Variants in NREP observed in about 807,000 individuals in gnomAD.
NREP encodes neuronal regeneration related protein, also known as neuronal regeneration-related protein.
In NREP, 5 loss-of-function variants were observed where a neutral mutation model predicts 8.6. The ratio of observed to expected loss-of-function variants is 0.58; its 90% confidence interval spans 0.30 to 1.22. The LOEUF is 1.22. Ranked by LOEUF, NREP falls within the 50% of genes most tolerant of loss-of-function variation. The probability of loss-of-function intolerance (pLI) is 0.07; values close to 1 mark genes in which losing one functional copy is unlikely to be tolerated. For missense variants in NREP, 86 were observed against 82.5 expected (o/e 1.04, Z -0.17); for synonymous variants, 27 against 28.0 (o/e 0.96, Z 0.11).
intron 2 of NREP, among the ~76,000 whole-genome samples, chr5:111,827,926 G>A (rs1359968071): frequency 6.6e-6 from 1 of 152,198 alleles, no homozygotes; most frequent in Non-Finnish European, 1.5e-5. Context: ...AAAGGCACAA[G>A]AAGTATGTTT....
intron 2 of NREP, among the ~76,000 whole-genome samples, chr5:111,883,369 T>C (rs1754141072): frequency 6.6e-6 from 1 of 152,058 alleles, no homozygotes; most frequent in Non-Finnish European, 1.5e-5. Context: ...CACACAATAA[T>C]AATGGGAGAC....
intron 2 of NREP, among the ~76,000 whole-genome samples, chr5:111,963,745 CAGTT>C (rs1267890859): frequency 6.6e-6 from 1 of 152,188 alleles, no homozygotes; most frequent in African/African-American, 2.4e-5. Context: ...AGAAGGGACT[CAGTT>C]GGTTCAATTC....
At position 111,875,251 on chromosome 5, in the gene NREP, A is replaced by G. The variant is rs148760254; in HGVS notation, c.135+100023T>C. 1.8e-3 allele frequency among the ~76,000 whole-genome samples: 276 copies of G among 152,276 alleles called. 3 individuals are homozygous for G. Among genetic ancestry groups the G allele is most frequent in the African/African-American group, 6.4e-3 (268 of 41,566 alleles). On this transcript the variant is annotated intron_variant, in intron 2 of 3. Transcript: ENST00000395634. ...CCCTTAACTATTCAGTTTTAAAATA[A>G]TACATACTCTAAAAACATCTTGTAA...
chr5:111,954,543 T>A (rs946577817), intron 2 of NREP, among the ~76,000 whole-genome samples: 1 of 152,160 alleles, frequency 6.6e-6, no homozygotes, highest in Non-Finnish European at 1.5e-5. Context: ...TAACTTGCAT[T>A]AACAAATTAT....
chr5:111,774,931 A>C (rs1489113922), intron 2 of NREP, among the ~76,000 whole-genome samples: 1 of 152,194 alleles, frequency 6.6e-6, no homozygotes, highest in Non-Finnish European at 1.5e-5. Flanking sequence ...AAGAAGAGAA[A>C]ACTGATACAA....
chr5:111,836,702 G>A (rs551610387), intron 2 of NREP, among the ~76,000 whole-genome samples: 1 of 152,082 alleles, frequency 6.6e-6, no homozygotes, highest in East Asian at 1.9e-4. Flanking sequence ...AGAGCTGGCA[G>A]TGGTTGTGAC....
At chr5:111,737,790 T>TCTGACAGC (rs1749276232) in intron 2 of NREP, among the ~76,000 whole-genome samples, 1 of 151,040 alleles carries the variant, frequency 6.6e-6, no homozygotes, top group Non-Finnish European at 1.5e-5. Flanking sequence ...AACATGAATA[T>TCTGACAGC]CTGACAGCAA....
intron 2 of NREP, among the ~76,000 whole-genome samples, chr5:111,806,578 C>A (rs1197549583): frequency 6.6e-6 from 1 of 152,160 alleles, no homozygotes; most frequent in Non-Finnish European, 1.5e-5. Flanking sequence ...TTACAGCCAT[C>A]AGCCTTGGAA....
chr5:111,932,398 C>T (rs138712969), intron 2 of NREP, among the ~76,000 whole-genome samples: 30 of 152,144 alleles, frequency 2.0e-4, no homozygotes, highest in Admixed American at 3.9e-4. Flanking sequence ...ATAGCCATCC[C>T]ACAGTTATAC....
upstream of NREP, chr5:111,757,942 A>C: frequency 1.0e-6 from 1 of 985,444 alleles, no homozygotes; most frequent in Non-Finnish European, 1.2e-6. Flanking sequence ...TGTAATAATA[A>C]ACCTGCAGCA....
intron 2 of NREP, among the ~76,000 whole-genome samples, chr5:111,780,838 C>CA (rs747985882): frequency 5.9e-5 from 9 of 152,080 alleles, no homozygotes; most frequent in Non-Finnish European, 1.3e-4. Flanking sequence ...GCTCTTTTTC[C>CA]AATGTGAAGT....
intron 2 of NREP, among the ~76,000 whole-genome samples, chr5:111,768,300 GTTTGA>G (rs1751133729): frequency 1.3e-5 from 2 of 152,098 alleles, no homozygotes; most frequent in Admixed American, 1.3e-4. Flanking sequence ...TGCCTTTTTG[GTTTGA>G]TTTGTTTTGG....
intron 2 of NREP, among the ~76,000 whole-genome samples, chr5:111,868,833 CTTT>C (rs11352654): frequency 2.1e-5 from 3 of 143,756 alleles, no homozygotes; most frequent in Non-Finnish European, 3.1e-5. Context: ...TCCAGTTTTT[CTTT>C]TTTTTTTTTT....
At chr5:111,742,711 G>A (rs923552396) in intron 2 of NREP, among the ~76,000 whole-genome samples, 1 of 152,088 alleles carries the variant, frequency 6.6e-6, no homozygotes, top group Non-Finnish European at 1.5e-5. Flanking sequence ...GCCAGGTGCA[G>A]CAACAGCCAG....
chr5:111,752,225 GT>G (rs1750406213), intron 2 of NREP, among the ~76,000 whole-genome samples: 1 of 152,172 alleles, frequency 6.6e-6, no homozygotes, highest in Admixed American at 6.5e-5. Context: ...CGGAACAGCT[GT>G]TTATTCTAAG....
At chr5:111,792,986 A>G (rs1751786229) in intron 2 of NREP, among the ~76,000 whole-genome samples, 1 of 152,156 alleles carries the variant, frequency 6.6e-6, no homozygotes, top group African/African-American at 2.4e-5. Flanking sequence ...ATCACTATGC[A>G]AAGGATACAG....
At chr5:111,918,268 A>C (rs1755121881) in intron 2 of NREP, among the ~76,000 whole-genome samples, 1 of 152,232 alleles carries the variant, frequency 6.6e-6, no homozygotes, top group South Asian at 2.1e-4. Flanking sequence ...TACTGTGAAA[A>C]TGGCCATACT....
At position 111,799,251 on chromosome 5, in the gene NREP, G is replaced by T. The variant is rs190812325; in HGVS notation, c.136-63744C>A. Among the ~76,000 whole-genome samples the T allele has an allele frequency of 3.9e-4, 60 of 152,248 alleles. No homozygotes were observed. In the East Asian group the frequency reaches 0.011, roughly 28 times the overall value. On this transcript the variant is annotated intron_variant, in intron 2 of 3. Transcript: ENST00000395634. ...GCTTTGTCTTGCTTTGACTATGCAG[G>T]CTCTTTTTTGGTTCCATATTAATTT...
chr5:111,953,670 G>T (rs1756229104), intron 2 of NREP, among the ~76,000 whole-genome samples: 1 of 152,088 alleles, frequency 6.6e-6, no homozygotes, highest in Non-Finnish European at 1.5e-5. Context: ...AAAGAACGAG[G>T]ATAGGAACCA....
Sources: allele counts gnomAD v4.1 joint callset (sites outside exome capture counted in the v4.1 genomes callset), GRCh38; gene constraint gnomAD v4.1.1; transcripts MANE v1.5; gene names NCBI Gene and HGNC (gene_info 2026-07-23, HGNC 2026-07-21).